Variants in TRPS1 observed in about 807,000 individuals in gnomAD.
TRPS1 encodes zinc finger transcription factor Trps1.
A neutral mutation model predicts 101.2 loss-of-function variants in TRPS1; 6 were observed. The observed-to-expected ratio is 0.06, with a 90% CI of 0.03 to 0.12. The LOEUF (loss-of-function observed/expected upper bound fraction) is 0.12. TRPS1 is among the 10% of genes least tolerant of loss of function. The pLI is 1.00. For missense variants in TRPS1, 1,363 were observed against 1,567.0 expected, an observed-to-expected ratio of 0.87 and a Z score of 2.20; for synonymous variants, 578 against 589.8, an observed-to-expected ratio of 0.98 and a Z score of 0.29.
At chr8:115,558,505 C>T (rs1816876525) in intron 5 of TRPS1, among the ~76,000 whole-genome samples, 1 of 152,168 alleles carries the variant, frequency 6.6e-6, no homozygotes, top group Admixed American at 6.6e-5. Context: ...TAGTTTGGCA[C>T]AACTAATCTT....
intron 2 of TRPS1, among the ~76,000 whole-genome samples, chr8:115,620,671 C>T (rs1161761791): frequency 6.6e-6 from 1 of 152,154 alleles, no homozygotes; most frequent in African/African-American, 2.4e-5. Flanking sequence ...GTGAAAACTG[C>T]CTCATCACTT....
At chr8:115,577,635 G>A (rs1038716934) in intron 5 of TRPS1, among the ~76,000 whole-genome samples, 17 of 151,790 alleles carry the variant, frequency 1.1e-4, no homozygotes, top group African/African-American at 2.9e-4. Flanking sequence ...AAATTCCCAC[G>A]TATACCTCAC....
At chr8:115,475,401 C>G (rs1039566450) in intron 5 of TRPS1, among the ~76,000 whole-genome samples, 3 of 150,930 alleles carry the variant, frequency 2.0e-5, no homozygotes, top group Admixed American at 2.0e-4. Context: ...TAGTTGATGC[C>G]AATTTGAAAT....
At position 115,438,014 on chromosome 8, in the gene TRPS1, T is replaced by C. The variant is rs576402443; in HGVS notation, c.2701-19562A>G. Among the ~76,000 whole-genome samples the C allele has an allele frequency of 3.3e-5, 5 of 152,308 alleles. No individual in the cohort carries two copies. The South Asian group carries it at 1.0e-3, about 32-fold the overall frequency. ...TTATTAAGGCTAAAATACCAAAACA[T>C]GGCATTTTTTTTCTACATTTAAATG... On this transcript the variant is annotated intron_variant, in intron 5 of 6. Transcript: ENST00000395715.
intron 1 of TRPS1, among the ~76,000 whole-genome samples, chr8:115,655,087 T>C (rs922850224): frequency 3.3e-5 from 5 of 152,152 alleles, no homozygotes; most frequent in Admixed American, 1.3e-4. Flanking sequence ...TAGGGGGAAG[T>C]CACTTTTATC....
intron 5 of TRPS1, among the ~76,000 whole-genome samples, chr8:115,451,570 T>C (rs916507583): frequency 3.3e-5 from 5 of 152,204 alleles, no homozygotes; most frequent in East Asian, 1.9e-4. Flanking sequence ...TGCTTCCTGA[T>C]TGATGTAATC....
chr8:115,602,868 T>C (rs936570564), intron 4 of TRPS1, among the ~76,000 whole-genome samples: 1 of 152,202 alleles, frequency 6.6e-6, no homozygotes, highest in Non-Finnish European at 1.5e-5. Flanking sequence ...AATTCCTATT[T>C]ATAACCAAGT....
intron 2 of TRPS1, among the ~76,000 whole-genome samples, chr8:115,622,476 G>A (rs1055316952): frequency 6.6e-6 from 1 of 152,102 alleles, no homozygotes; most frequent in African/African-American, 2.4e-5. Flanking sequence ...CTACAGAAAA[G>A]GATATTTTAG....
At position 115,623,760 on chromosome 8, in the gene TRPS1, T is replaced by C; in HGVS notation, c.-121-2A>G. The C allele has an allele frequency of 2.0e-6, 3 of 1,471,102 alleles. No individual in the cohort carries two copies. The highest frequency in any genetic ancestry group is 2.7e-6 in the Non-Finnish European group (3 of 1,112,874). 91.1% of individuals were successfully genotyped at this position (1,471,102 alleles called of 1,614,324 possible). ...CATTTTGAGAGCTGATCTGTACATC[T>C]GCAAAACAAAGCAAAAGAAAAATTT... On this transcript the variant is annotated splice_acceptor_variant, in intron 1 of 6. Coordinates refer to ENST00000395715, the MANE Select transcript of TRPS1 (RefSeq NM_014112.5). LOFTEE classifies it low-confidence loss of function (5UTR_SPLICE).
chr8:115,621,199 G>A (rs1818384915), intron 2 of TRPS1, among the ~76,000 whole-genome samples: 1 of 152,160 alleles, frequency 6.6e-6, no homozygotes. Context: ...CGAGGACTGG[G>A]TTCCGTGGCT....
chr8:115,527,919 T>C (rs1312173229), intron 5 of TRPS1, among the ~76,000 whole-genome samples: 1 of 152,046 alleles, frequency 6.6e-6, no homozygotes, highest in African/African-American at 2.4e-5. Context: ...TTCTAACACA[T>C]TACCAGGAAA....
chr8:115,599,968 G>T (rs1817873344), intron 4 of TRPS1, among the ~76,000 whole-genome samples: 1 of 152,156 alleles, frequency 6.6e-6, no homozygotes, highest in Non-Finnish European at 1.5e-5. Context: ...CAGTGTAAAA[G>T]TGTTCCTATT....
chr8:115,481,340 C>T (rs1222983679), intron 5 of TRPS1, among the ~76,000 whole-genome samples: 1 of 152,044 alleles, frequency 6.6e-6, no homozygotes, highest in Admixed American at 6.6e-5. Flanking sequence ...TTTTGTAGTG[C>T]TAACAAACAG....
chr8:115,658,791 T>C (rs1021399268), intron 1 of TRPS1, among the ~76,000 whole-genome samples: 2 of 152,122 alleles, frequency 1.3e-5, no homozygotes, highest in African/African-American at 2.4e-5. Flanking sequence ...TACACAAATA[T>C]GTGTAATGTT....
chr8:115,421,330 A>G (rs1401535347), intron 5 of TRPS1, among the ~76,000 whole-genome samples: 1 of 151,438 alleles, frequency 6.6e-6, no homozygotes, highest in Non-Finnish European at 1.5e-5. Flanking sequence ...AAACGGTGCC[A>G]GGGATGTAGT....
chr8:115,424,215 T>C (rs1185140985), intron 5 of TRPS1, among the ~76,000 whole-genome samples: 1 of 152,242 alleles, frequency 6.6e-6, no homozygotes, highest in East Asian at 1.9e-4. Flanking sequence ...GAAATCTGAT[T>C]TATATAATGT....
chr8:115,460,957 A>T (rs1814152545), intron 5 of TRPS1, among the ~76,000 whole-genome samples: 1 of 152,182 alleles, frequency 6.6e-6, no homozygotes, highest in Non-Finnish European at 1.5e-5. Context: ...AAGTAACTAT[A>T]GCTACAGAAG....
intron 5 of TRPS1, among the ~76,000 whole-genome samples, chr8:115,485,334 T>C (rs371534392): frequency 1.6e-4 from 25 of 152,192 alleles, no homozygotes; most frequent in African/African-American, 5.8e-4. Context: ...CTTGGAAAAG[T>C]ACTCTGAGCC....
At chr8:115,430,176 G>A (rs959112735) in intron 5 of TRPS1, among the ~76,000 whole-genome samples, 5 of 152,092 alleles carry the variant, frequency 3.3e-5, no homozygotes, top group African/African-American at 7.2e-5. Flanking sequence ...TGGAGCATTC[G>A]AATGTTAGTT....
Sources: allele counts gnomAD v4.1 joint callset (sites outside exome capture counted in the v4.1 genomes callset), GRCh38; gene constraint gnomAD v4.1.1; transcripts MANE v1.5; gene names NCBI Gene and HGNC (gene_info 2026-07-23, HGNC 2026-07-21).